DENND1A: variants seen among roughly 807,000 people sequenced by gnomAD.
DENND1A encodes DENN domain containing 1A, also known as DENN domain-containing protein 1A.
Under a neutral mutation model 113.7 loss-of-function variants are expected in DENND1A, and 51 were observed. The ratio of observed to expected loss-of-function variants is 0.45; its 90% confidence interval spans 0.36 to 0.57. The LOEUF (loss-of-function observed/expected upper bound fraction) is 0.57. Among genes scored for constraint, DENND1A ranks in the 20% least tolerant of loss-of-function variants. DENND1A has a pLI of 0.00. For missense variants in DENND1A, 1,258 were observed against 1,395.9 expected, an observed-to-expected ratio of 0.90 and a Z score of 1.57; for synonymous variants, 565 against 570.8, an observed-to-expected ratio of 0.99 and a Z score of 0.14.
intron 3 of DENND1A, among the ~76,000 whole-genome samples, chr9:123,778,908 T>C (rs543202991): frequency 6.6e-6 from 1 of 152,350 alleles, no homozygotes; most frequent in African/African-American, 2.4e-5. Context: ...AATGTGATTG[T>C]TGCCAAATGA....
chr9:123,850,335 C>T (rs374142935), intron 2 of DENND1A, among the ~76,000 whole-genome samples: 1 of 152,146 alleles, frequency 6.6e-6, no homozygotes, highest in East Asian at 1.9e-4. Context: ...AGATCGTTTG[C>T]GATCAAAAAG....
intron 1 of DENND1A, among the ~76,000 whole-genome samples, chr9:123,898,017 A>AT (rs1442893051): frequency 6.6e-6 from 1 of 151,980 alleles, no homozygotes. Flanking sequence ...AACTAAAAAA[A>AT]ATTTTTTTTT....
At chr9:123,887,444 G>C (rs1052851598) in intron 1 of DENND1A, among the ~76,000 whole-genome samples, 1 of 152,232 alleles carries the variant, frequency 6.6e-6, no homozygotes, top group South Asian at 2.1e-4. Flanking sequence ...CCTGAGTGGG[G>C]TGGAAGGGTA....
At chr9:123,573,400 G>GT (rs977803301) in intron 12 of DENND1A, among the ~76,000 whole-genome samples, 1 of 152,004 alleles carries the variant, frequency 6.6e-6, no homozygotes, top group African/African-American at 2.4e-5. Context: ...AAAATATTGA[G>GT]TAAAAAAATA....
intron 7 of DENND1A, among the ~76,000 whole-genome samples, chr9:123,670,081 C>G (rs143377338): frequency 6.6e-6 from 1 of 152,142 alleles, no homozygotes. Context: ...ATTAGAGATA[C>G]ATATTTAGTA....
At chr9:123,427,869 G>GAGTTACTAGGAAGTGAC (rs1400654295) in intron 19 of DENND1A, among the ~76,000 whole-genome samples, 2 of 152,192 alleles carry the variant, frequency 1.3e-5, no homozygotes, top group African/African-American at 4.8e-5. Context: ...CCTTGCGTGG[G>GAGTTACTAGGAAGTGAC]AGTTACTAGG....
At chr9:123,433,283 C>A (rs1267032051) in intron 19 of DENND1A, among the ~76,000 whole-genome samples, 1 of 152,162 alleles carries the variant, frequency 6.6e-6, no homozygotes, top group Non-Finnish European at 1.5e-5. Flanking sequence ...CCAGAACTGC[C>A]CGATTCTAAA....
intron 11 of DENND1A, among the ~76,000 whole-genome samples, chr9:123,598,696 C>CT (rs926635701): frequency 1.3e-5 from 2 of 152,032 alleles, no homozygotes; most frequent in Non-Finnish European, 2.9e-5. Context: ...CTTTTTCTTT[C>CT]TTTTTTTTCC....
At chr9:123,907,767 C>G (rs1853153610) in intron 1 of DENND1A, among the ~76,000 whole-genome samples, 1 of 139,250 alleles carries the variant, frequency 7.2e-6, no homozygotes. Context: ...AATGGCCATA[C>G]TGCCCAAGGT....
At chr9:123,595,127 A>C (rs566800387) in intron 11 of DENND1A, among the ~76,000 whole-genome samples, 1 of 152,294 alleles carries the variant, frequency 6.6e-6, no homozygotes, top group Non-Finnish European at 1.5e-5. Context: ...GACAGTTCAG[A>C]GGAGCCCTGA....
At chr9:123,441,891 C>T (rs1355914352) in intron 18 of DENND1A, among the ~76,000 whole-genome samples, 1 of 152,110 alleles carries the variant, frequency 6.6e-6, no homozygotes, top group Non-Finnish European at 1.5e-5. Context: ...CTTGGTTGCT[C>T]CTAACTTCTC....
chr9:123,715,825 G>A (rs894582160), intron 5 of DENND1A, among the ~76,000 whole-genome samples: 45 of 152,044 alleles, frequency 3.0e-4, no homozygotes, highest in Non-Finnish European at 6.0e-4. Flanking sequence ...GAGAGGCGGC[G>A]CCACCATGCC....
intron 11 of DENND1A, among the ~76,000 whole-genome samples, chr9:123,586,234 A>C (rs1220751006): frequency 6.6e-6 from 1 of 152,134 alleles, no homozygotes; most frequent in Non-Finnish European, 1.5e-5. Context: ...ATTGGAGAGA[A>C]GCCTCCAGGG....
intron 10 of DENND1A, among the ~76,000 whole-genome samples, chr9:123,611,624 AC>A (rs1020576920): frequency 2.6e-5 from 4 of 152,200 alleles, no homozygotes; most frequent in African/African-American, 7.2e-5. Flanking sequence ...AAATCTTATC[AC>A]CCTTCCCATC....
chr9:123,424,931 C>A (rs1004853887), intron 19 of DENND1A, among the ~76,000 whole-genome samples: 1 of 152,212 alleles, frequency 6.6e-6, no homozygotes, highest in Non-Finnish European at 1.5e-5. Flanking sequence ...CTTGCCATCC[C>A]TTCCTCTGGG....
intron 1 of DENND1A, among the ~76,000 whole-genome samples, chr9:123,888,069 G>C (rs750542068): frequency 6.6e-5 from 10 of 152,308 alleles, no homozygotes; most frequent in Non-Finnish European, 1.3e-4. Context: ...CTAATTCCCA[G>C]GCCTTGGCTT....
chr9:123,403,873 AAGCT>A (rs1247328316), intron 20 of DENND1A, among the ~76,000 whole-genome samples: 2 of 152,322 alleles, frequency 1.3e-5, no homozygotes, highest in South Asian at 2.1e-4. Flanking sequence ...TGATGCCCAG[AAGCT>A]GGTTTTGTAG....
At chr9:123,480,296 C>G (rs76280687) in intron 13 of DENND1A, among the ~76,000 whole-genome samples, 2 of 152,162 alleles carry the variant, frequency 1.3e-5, no homozygotes, top group African/African-American at 4.8e-5. Flanking sequence ...CATGTGCTCA[C>G]GCCACACCTG....
intron 1 of DENND1A, among the ~76,000 whole-genome samples, chr9:123,922,830 T>G (rs1243936153): frequency 6.6e-6 from 1 of 152,222 alleles, no homozygotes; most frequent in Non-Finnish European, 1.5e-5. Context: ...AACGTCCAAA[T>G]GAACTTTTGG....
Sources: gnomAD v4.1 joint callset for allele counts (sites outside exome capture counted in the v4.1 genomes callset) on GRCh38, gnomAD v4.1.1 for gene constraint, MANE v1.5 for transcripts, NCBI Gene and HGNC (gene_info 2026-07-23, HGNC 2026-07-21) for gene names.